Variants in SP4 observed in about 807,000 individuals in gnomAD.
The protein encoded by SP4 is transcription factor Sp4.
A neutral mutation model predicts 72.8 loss-of-function variants in SP4; 19 were observed. The observed-to-expected ratio is 0.26, with a 90% CI of 0.18 to 0.38. The LOEUF is 0.38. Among genes scored for constraint, SP4 ranks in the 10% least tolerant of loss-of-function variants. The pLI is 1.00. For missense variants in SP4, 1,008 were observed against 926.3 expected, an observed-to-expected ratio of 1.09 and a Z score of -1.14; for synonymous variants, 395 against 333.1, an observed-to-expected ratio of 1.19 and a Z score of -2.02.
chr7:21,477,501 T>G (rs891088474), intron 4 of SP4, among the ~76,000 whole-genome samples, 194 bp downstream of exon 4: 3 of 152,216 alleles, frequency 2.0e-5, no homozygotes, highest in African/African-American at 4.8e-5. Flanking sequence ...GCCTTGTTCC[T>G]TACACTTTTA....
chr7:21,477,359 T>G lies in SP4; in HGVS notation c.1907+52T>G, dbSNP rs1202356998. The G allele has an allele frequency of 3.3e-6, 4 of 1,198,444 alleles. No homozygotes were observed. The South Asian group carries it at 5.2e-5, about 15-fold the overall frequency. 74.2% of individuals were successfully genotyped at this position (1,198,444 alleles called of 1,614,324 possible). A position where few individuals can be genotyped will look rare whatever the true frequency, so the allele number is the denominator to read the frequency against. On this transcript the variant is annotated intron_variant, in intron 4 of 5. Transcript: ENST00000222584. ...CTATTTGGAAGGCATAAAACAGCAG[T>G]TAAAACCAAGTAATTGGCTGGGAAT...
chr7:21,434,620 AAAAT>A (rs1245318832), intron 3 of SP4, among the ~76,000 whole-genome samples: 1 of 152,140 alleles, frequency 6.6e-6, no homozygotes, highest in Non-Finnish European at 1.5e-5. Flanking sequence ...ACTTTTAAAA[AAAAT>A]AGATTTAGGG....
intron 3 of SP4, among the ~76,000 whole-genome samples, chr7:21,444,869 A>C (rs1174837723): frequency 6.6e-6 from 1 of 152,206 alleles, no homozygotes. Flanking sequence ...ACAGCTAACC[A>C]CTACTACTTT....
At chr7:21,491,488 G>A (rs1265317861) in intron 5 of SP4, among the ~76,000 whole-genome samples, 1 of 152,126 alleles carries the variant, frequency 6.6e-6, no homozygotes, top group Non-Finnish European at 1.5e-5. Context: ...AAATACTGCT[G>A]TAAGACAAAA....
rs1186328943 is a variant in SP4 at position 21,514,798 on chromosome 7, A to C, written c.*3529A>C. ...TAATTATGTATACTATAAAGCAGCA[A>C]TAAATTATTTGAACTATCAACCTAC... On this transcript the variant is annotated 3_prime_UTR_variant, in exon 6 of 6. Coordinates refer to ENST00000222584, the MANE Select transcript of SP4 (RefSeq NM_003112.5). 6.6e-6 allele frequency: 1 copy of C among 152,212 alleles called. No individual in the cohort carries two copies. Among genetic ancestry groups the C allele is most frequent in the African/African-American group, 2.4e-5 (1 of 41,450 alleles). 9.4% of individuals were successfully genotyped at this position (152,212 alleles called of 1,614,324 possible).
intron 4 of SP4, among the ~76,000 whole-genome samples, chr7:21,480,410 A>C (rs1447667552): frequency 6.6e-6 from 1 of 152,076 alleles, no homozygotes; most frequent in Non-Finnish European, 1.5e-5. Flanking sequence ...TGCTTGTTGT[A>C]GGTGTATTCT....
chr7:21,441,630 TAGA>T (rs1562588990), intron 3 of SP4, among the ~76,000 whole-genome samples: 1 of 152,204 alleles, frequency 6.6e-6, no homozygotes, highest in East Asian at 1.9e-4. Flanking sequence ...GTAGAAAAGT[TAGA>T]AAGCAGGAGC....
chr7:21,469,994 C>G (rs1784284312), intron 3 of SP4, among the ~76,000 whole-genome samples: 1 of 152,048 alleles, frequency 6.6e-6, no homozygotes, highest in South Asian at 2.1e-4. Context: ...GAGAGTTATG[C>G]TCTGGGATCT....
At chr7:21,479,043 G>A (rs1376232246) in intron 4 of SP4, among the ~76,000 whole-genome samples, 1 of 151,538 alleles carries the variant, frequency 6.6e-6, no homozygotes, top group Non-Finnish European at 1.5e-5. Flanking sequence ...ACTCCAGCCT[G>A]GGTGAAAGAG....
chr7:21,455,906 C>T (rs537212051), intron 3 of SP4, among the ~76,000 whole-genome samples: 5 of 152,274 alleles, frequency 3.3e-5, no homozygotes, highest in African/African-American at 1.2e-4. Flanking sequence ...AGATGAGAAG[C>T]CTGCTTTTCC....
chr7:21,446,205 T>A (rs1200758347), intron 3 of SP4, among the ~76,000 whole-genome samples: 2 of 152,148 alleles, frequency 1.3e-5, no homozygotes, highest in Non-Finnish European at 2.9e-5. Flanking sequence ...GGATACCAGC[T>A]CATATGGGGA....
intron 3 of SP4, among the ~76,000 whole-genome samples, chr7:21,470,027 A>G (rs540142560): frequency 9.2e-5 from 14 of 152,316 alleles, no homozygotes; most frequent in African/African-American, 2.9e-4. Flanking sequence ...TCTGACTGCC[A>G]TATCAGTGAG....
chr7:21,455,104 G>A (rs1051335481), intron 3 of SP4, among the ~76,000 whole-genome samples: 5 of 152,220 alleles, frequency 3.3e-5, no homozygotes, highest in Admixed American at 2.6e-4. Flanking sequence ...AAGAGTGTCA[G>A]GAGTTGAGAT....
At position 21,429,892 on chromosome 7, in the gene SP4, T is replaced by C. The variant is rs781455362; in HGVS notation, c.727T>C (p.Leu243=). Residue 243 remains leucine (L), a synonymous_variant, in exon 3 of 6, where the codon TTA becomes CTA. Coordinates refer to ENST00000222584, the MANE Select transcript of SP4 (RefSeq NM_003112.5). The part of the protein sequence containing the change: ...IRPGVSIPLQ[L]QTLPGTQAQV... ...ACCTGGTGTTTCAATACCACTGCAG[T>C]TACAGACTCTTCCTGGTACTCAGGC... is the stretch of plus-strand genomic sequence containing the variant. 1 of 1,614,058 alleles carries C rather than the reference T, an allele frequency of 6.2e-7. No homozygotes were observed.
At position 21,430,086 on chromosome 7, in the gene SP4, C is replaced by CACT. The variant is rs754959832; in HGVS notation, c.925_927dup (p.Thr309dup). 1 of 1,614,078 alleles carries CACT rather than the reference C, an allele frequency of 6.2e-7. No individual in the cohort carries two copies. Among genetic ancestry groups the CACT allele is most frequent in the Non-Finnish European group, 8.5e-7 (1 of 1,180,048 alleles). ...AATTAGTTTCCACACCCACCAACAC[C>CACT]ACTACTTCTGCCAGTACTATGCCAG... is the stretch of plus-strand genomic sequence containing the variant. On this transcript the variant is annotated inframe_insertion, in exon 3 of 6. Coordinates refer to ENST00000222584, the MANE Select transcript of SP4 (RefSeq NM_003112.5).
chr7:21,436,326 C>A (rs1228678045), intron 3 of SP4, among the ~76,000 whole-genome samples: 4 of 152,136 alleles, frequency 2.6e-5, no homozygotes, highest in Non-Finnish European at 5.9e-5. Context: ...AAAGCACTCA[C>A]AGCTCTAAAT....
intron 5 of SP4, among the ~76,000 whole-genome samples, chr7:21,496,428 T>C (rs188439366): frequency 1.5e-4 from 23 of 152,258 alleles, no homozygotes; most frequent in Non-Finnish European, 2.5e-4. Context: ...CCAAGGATAA[T>C]AGGATTTAGA....
intron 3 of SP4, among the ~76,000 whole-genome samples, chr7:21,462,054 G>T (rs1384608188): frequency 1.4e-5 from 2 of 147,328 alleles, no homozygotes; most frequent in African/African-American, 2.5e-5. Flanking sequence ...TTGAAGACAG[G>T]ATCTCACTCT....
intron 5 of SP4, among the ~76,000 whole-genome samples, chr7:21,505,052 C>G (rs1781960461): frequency 6.6e-6 from 1 of 152,244 alleles, no homozygotes; most frequent in African/African-American, 2.4e-5. Flanking sequence ...CTTTTACCAC[C>G]TGAATTTCCT....
Sources: allele counts gnomAD v4.1 joint callset (sites outside exome capture counted in the v4.1 genomes callset), GRCh38; gene constraint gnomAD v4.1.1; transcripts MANE v1.5; gene names NCBI Gene and HGNC (gene_info 2026-07-23, HGNC 2026-07-21).